The following CDH19 variants were observed in gnomAD, a reference collection of about 807,000 sequenced individuals.
The protein encoded by CDH19 is cadherin-19.
A neutral mutation model predicts 64.2 loss-of-function variants in CDH19; 67 were observed. The ratio of observed to expected loss-of-function variants is 1.04; its 90% confidence interval spans 0.86 to 1.28. The LOEUF (loss-of-function observed/expected upper bound fraction) is 1.28, where lower values mean the gene tolerates loss of function less well. Among genes scored for constraint, CDH19 ranks in the 50% most tolerant of loss-of-function variants. The pLI is 0.00. For synonymous variants in CDH19, 346 were observed against 319.3 expected (o/e 1.08, Z -0.89); for missense variants, 1,030 against 929.0 (o/e 1.11, Z -1.41).
intron 3 of CDH19, among the ~76,000 whole-genome samples, chr18:66,566,447 G>C (rs1195472086): frequency 6.6e-6 from 1 of 151,554 alleles, no homozygotes; most frequent in Non-Finnish European, 1.5e-5. Flanking sequence ...AAGTCCTCTT[G>C]ACCTTCATCT....
At chr18:66,578,199 G>A (rs565613978) in intron 1 of CDH19, among the ~76,000 whole-genome samples, 1 of 152,018 alleles carries the variant, frequency 6.6e-6, no homozygotes, top group South Asian at 2.1e-4. Context: ...ATAATTACAT[G>A]AGGAAACAAG....
At position 66,544,735 on chromosome 18, in the gene CDH19, A is replaced by G; in HGVS notation, c.944T>C (p.Ile315Thr). 1.2e-6 allele frequency: 2 copies of G among 1,604,748 alleles called. No individual in the cohort carries two copies. Among genetic ancestry groups the G allele is most frequent in the East Asian group, 2.2e-5 (1 of 44,712 alleles). Residue 315 changes from isoleucine (I) to threonine (T), a missense_variant, in exon 6 of 12, where the codon ATA becomes ACA. Physicochemically the swap from Ile to Thr is moderately conservative, Grantham distance 89 (BLOSUM62 -1). Coordinates refer to ENST00000262150, the MANE Select transcript of CDH19 (RefSeq NM_021153.4). ...IITNHETQEG[I>T]VILKKKVDFE... is the part of the protein sequence containing the mutation. ...CATGTCTACCTTTTTTAATATAACT[A>G]TTCCTTCTTGAGTTTCATGATTAGT...
intron 1 of CDH19, among the ~76,000 whole-genome samples, chr18:66,581,775 C>T (rs996117431): frequency 6.6e-6 from 1 of 152,060 alleles, no homozygotes; most frequent in African/African-American, 2.4e-5. Context: ...CTTCCTACCT[C>T]CTCAGCTTGC....
chr18:66,554,839 C>G lies in CDH19; in HGVS notation c.491-315G>C, dbSNP rs962621857. ...TAATGTATAATTTATAAATCATAAA[C>G]TTTTCCAAGGTGTATTATTAGTGGA... On this transcript the variant is annotated intron_variant, in intron 3 of 11. Coordinates refer to ENST00000262150, the MANE Select transcript of CDH19 (RefSeq NM_021153.4). 2.0e-5 allele frequency among the ~76,000 whole-genome samples: 3 copies of G among 151,636 alleles called. No individual in the cohort carries two copies. In the South Asian group the frequency reaches 6.2e-4, roughly 31 times the overall value.
intron 6 of CDH19, 51 bp from the exon 7 acceptor site, chr18:66,544,275 T>C (rs200296791): frequency 1.0e-4 from 158 of 1,540,240 alleles, no homozygotes; most frequent in Non-Finnish European, 1.3e-4. Flanking sequence ...TAACCCAAGA[T>C]ACTATTTAGA....
At chr18:66,525,213 G>A (rs973036984) in intron 9 of CDH19, among the ~76,000 whole-genome samples, 1 of 152,004 alleles carries the variant, frequency 6.6e-6, no homozygotes, top group African/African-American at 2.4e-5. Flanking sequence ...AGATTATGGT[G>A]AACCTAATCA....
intron 5 of CDH19, among the ~76,000 whole-genome samples, chr18:66,550,337 A>T (rs1469255467): frequency 6.6e-6 from 1 of 152,164 alleles, no homozygotes; most frequent in East Asian, 1.9e-4. Context: ...TCTGGCTTAT[A>T]AAGTAAAAAG....
At chr18:66,579,095 G>A (rs1988349755) in intron 1 of CDH19, among the ~76,000 whole-genome samples, 1 of 151,838 alleles carries the variant, frequency 6.6e-6, no homozygotes, top group Admixed American at 6.6e-5. Context: ...GTAGAAATAT[G>A]TCAAAAATTC....
chr18:66,505,807 T>A (rs1449804438), intron 11 of CDH19, among the ~76,000 whole-genome samples: 1 of 151,706 alleles, frequency 6.6e-6, no homozygotes, highest in African/African-American at 2.4e-5. Flanking sequence ...AATTAATATG[T>A]ATTGACTATG....
At chr18:66,558,552 A>G (rs531270305) in intron 3 of CDH19, among the ~76,000 whole-genome samples, 2 of 152,128 alleles carry the variant, frequency 1.3e-5, no homozygotes, top group African/African-American at 4.8e-5. Flanking sequence ...GATCACAATA[A>G]TAATTAAATA....
At chr18:66,569,094 A>C (rs940275017) in intron 2 of CDH19, among the ~76,000 whole-genome samples, 1 of 151,642 alleles carries the variant, frequency 6.6e-6, no homozygotes, top group African/African-American at 2.4e-5. Flanking sequence ...TAGAAAGACA[A>C]TTTAGTGACA....
intron 5 of CDH19, 107 bp from the exon 6 acceptor site, chr18:66,545,010 A>G (rs1195304318): frequency 7.3e-6 from 6 of 817,858 alleles, no homozygotes; most frequent in African/African-American, 1.8e-5. Flanking sequence ...ACGGAGTCTC[A>G]TTCTGTCGCC....
chr18:66,547,825 G>A (rs1444746718), intron 5 of CDH19, among the ~76,000 whole-genome samples: 2 of 145,132 alleles, frequency 1.4e-5, no homozygotes, highest in South Asian at 2.1e-4. Flanking sequence ...CCGCCACTAC[G>A]CCCGGCTAAT....
intron 1 of CDH19, among the ~76,000 whole-genome samples, chr18:66,578,983 G>T (rs548678293): frequency 6.6e-6 from 1 of 152,004 alleles, no homozygotes; most frequent in South Asian, 2.1e-4. Context: ...AAATGGGGGT[G>T]GGAGGAAGAT....
Position 66,504,954 on chromosome 18 carries a change from G to T in CDH19, c.2177C>A (p.Thr726Lys). ...GCTCAGGGATCCAGCTAATGACCCTGTTCCCTCAAAAGCGTAGGTCTGGAG... is the reference window on the plus strand; with the variant it reads ...GCTCAGGGATCCAGCTAATGACCCTTTTCCCTCAAAAGCGTAGGTCTGGAG... ...DSLQTYAFEG[T>K]GSLAGSLSSL... Residue 726 changes from threonine (T) to lysine (K), a missense_variant, in exon 12 of 12, where the codon ACA becomes AAA. By Grantham distance (78) the Thr-to-Lys change is moderately conservative. Transcript: ENST00000262150. 1 of 1,613,504 alleles carries T rather than the reference G, an allele frequency of 6.2e-7. No homozygotes were observed. Among genetic ancestry groups the T allele is most frequent in the Admixed American group, 1.7e-5 (1 of 59,866 alleles).
rs35635169 is a variant in CDH19 at position 66,544,325 on chromosome 18, TCA to T, written c.961-103_961-102del. 9.0e-3 allele frequency: 9,963 copies of T among 1,104,842 alleles called. 433 individuals are homozygous for T. In the African/African-American group the frequency reaches 0.11, roughly 13 times the overall value. 68.4% of individuals were successfully genotyped at this position (1,104,842 alleles called of 1,614,324 possible). On this transcript the variant is annotated intron_variant, in intron 6 of 11. Transcript: ENST00000262150. Reference sequence around the variant, plus strand: ...TGTTAAATTAAGTCTCAGTGGCCTTTCAGTTAGATTTTTCTTTTTATGTACAT... The same window carrying T: ...TGTTAAATTAAGTCTCAGTGGCCTTTGTTAGATTTTTCTTTTTATGTACAT...
rs370741638 is a variant in CDH19 at position 66,564,752 on chromosome 18, A to T, written c.490+3664T>A. ...TCCACGTAATGTGACTGGCTAAAGC[A>T]TGTTTCACTTTTAGCAGGATTTTGT... On this transcript the variant is annotated intron_variant, in intron 3 of 11. Transcript: ENST00000262150. Among the ~76,000 whole-genome samples, 11 of 151,996 alleles carry T rather than the reference A, an allele frequency of 7.2e-5. No individual in the cohort carries two copies. In the East Asian group the frequency reaches 1.7e-3, roughly 24 times the overall value.
intron 3 of CDH19, among the ~76,000 whole-genome samples, chr18:66,560,588 A>G (rs928687830): frequency 6.6e-6 from 1 of 152,096 alleles, no homozygotes; most frequent in Non-Finnish European, 1.5e-5. Context: ...ATATATGTAT[A>G]TAATATTTAT....
intron 2 of CDH19, among the ~76,000 whole-genome samples, 191 bp downstream of exon 2, chr18:66,571,819 G>A (rs1988111783): frequency 6.6e-6 from 1 of 151,610 alleles, no homozygotes; most frequent in African/African-American, 2.4e-5. Context: ...AAAAACCAGA[G>A]CTATCCCTCT....
Sources: gnomAD v4.1 joint callset for allele counts (sites outside exome capture counted in the v4.1 genomes callset) on GRCh38, gnomAD v4.1.1 for gene constraint, MANE v1.5 for transcripts, NCBI Gene and HGNC (gene_info 2026-07-23, HGNC 2026-07-21) for gene names.